SVOP: variants seen among roughly 807,000 people sequenced by gnomAD.
SVOP encodes the protein SV2 related protein.
A neutral mutation model predicts 69.1 loss-of-function variants in SVOP; 17 were observed. That is an observed-to-expected ratio of 0.25 (90% CI 0.17 to 0.37). The LOEUF (loss-of-function observed/expected upper bound fraction) is 0.37. SVOP is among the 10% of genes least tolerant of loss of function. SVOP has a pLI of 1.00. For missense variants in SVOP, 435 were observed against 597.5 expected (o/e 0.73, Z 2.84); for synonymous variants, 238 against 238.6 (o/e 1.00, Z 0.02).
rs182984647 is a variant in SVOP at position 109,013,015 on chromosome 12, G to T, written c.35+7819C>A. ...TCCAGGTAGACTGGGCTACACAGTT[G>T]CTAAAACTTAATAGTGGTTCCACTG... On this transcript the variant is annotated intron_variant, in intron 1 of 15. Coordinates refer to ENST00000610966, the MANE Select transcript of SVOP (RefSeq NM_018711.5). Among the ~76,000 whole-genome samples, 9 of 152,340 alleles carry T rather than the reference G, an allele frequency of 5.9e-5. No homozygotes were observed. In the East Asian group the frequency reaches 1.5e-3, roughly 26 times the overall value.
At chr12:108,929,992 G>A (rs1176294655) in intron 11 of SVOP, among the ~76,000 whole-genome samples, 1 of 53,332 alleles carries the variant, frequency 1.9e-5, no homozygotes, top group Non-Finnish European at 8.5e-5. Flanking sequence ...TCCCACCCAG[G>A]TATAAGAGAG....
intron 11 of SVOP, among the ~76,000 whole-genome samples, chr12:108,926,107 G>A (rs1466813523): frequency 6.6e-6 from 1 of 152,044 alleles, no homozygotes; most frequent in Non-Finnish European, 1.5e-5. Flanking sequence ...TCTTTGTAGA[G>A]ATAGGAATTT....
intron 12 of SVOP, among the ~76,000 whole-genome samples, chr12:108,922,194 A>G (rs946064441): frequency 6.6e-6 from 1 of 152,142 alleles, no homozygotes; most frequent in Admixed American, 6.5e-5. Context: ...TTCCCTCTGG[A>G]GCAAAGGGCA....
At chr12:108,937,091 C>G in intron 10 of SVOP, 173 bp downstream of exon 10, 2 of 658,020 alleles carry the variant, frequency 3.0e-6, no homozygotes, top group East Asian at 2.7e-5. Context: ...AATGATAGTA[C>G]GTACAGATGA....
At chr12:108,947,965 T>A (rs1298165033) in intron 6 of SVOP, among the ~76,000 whole-genome samples, 1 of 152,152 alleles carries the variant, frequency 6.6e-6, no homozygotes, top group Non-Finnish European at 1.5e-5. Flanking sequence ...CTTGCACTTC[T>A]GCTAATGGCT....
intron 1 of SVOP, among the ~76,000 whole-genome samples, chr12:108,984,893 C>T (rs2040158986): frequency 6.6e-6 from 1 of 152,130 alleles, no homozygotes; most frequent in Non-Finnish European, 1.5e-5. Context: ...ATGTGCAAGT[C>T]CTTTCTATCA....
Position 109,020,753 on chromosome 12 carries a change from T to TAC in SVOP, c.35+79_35+80dup, listed in dbSNP as rs1555254142. 298 of 317,942 alleles carry TAC rather than the reference T, an allele frequency of 9.4e-4. 13 individuals carry two copies. In the Admixed American group the frequency reaches 0.013, roughly 14 times the overall value. The allele number at this position is 317,942 out of a possible 1,614,324, so 19.7% of individuals were successfully genotyped here. A position where few individuals can be genotyped will look rare whatever the true frequency, so the allele number is the denominator to read the frequency against. On this transcript the variant is annotated intron_variant, in intron 1 of 15. Coordinates refer to ENST00000610966, the MANE Select transcript of SVOP (RefSeq NM_018711.5). ...AAATTCAAGAAACCATGCAGAGATG[T>TAC]ACCCCCCCCCACCCCCCTTGCAGGT...
At chr12:108,999,732 A>G (rs2040256959) in intron 1 of SVOP, among the ~76,000 whole-genome samples, 1 of 149,170 alleles carries the variant, frequency 6.7e-6, no homozygotes, top group African/African-American at 2.4e-5. Context: ...TAACGAAATG[A>G]AGGCAGAAAT....
chr12:108,952,980 GCAGAA>G (rs2039964885), intron 6 of SVOP, among the ~76,000 whole-genome samples: 2 of 152,048 alleles, frequency 1.3e-5, no homozygotes, highest in Non-Finnish European at 2.9e-5. Flanking sequence ...GTTAGTCTGA[GCAGAA>G]CATTTAGCAA....
At chr12:108,933,663 G>C (rs2039837403) in intron 11 of SVOP, among the ~76,000 whole-genome samples, 1 of 151,976 alleles carries the variant, frequency 6.6e-6, no homozygotes, top group Admixed American at 6.6e-5. Flanking sequence ...CTGGGCGACA[G>C]AGCAAGACTC....
intron 1 of SVOP, among the ~76,000 whole-genome samples, chr12:108,985,379 T>G (rs1209479867): frequency 1.3e-5 from 2 of 150,544 alleles, no homozygotes; most frequent in African/African-American, 4.9e-5. Context: ...AAAAGGAAAA[T>G]AAAAAAGTCT....
intron 5 of SVOP, among the ~76,000 whole-genome samples, chr12:108,961,730 A>T (rs1341945099): frequency 6.6e-6 from 1 of 152,218 alleles, no homozygotes; most frequent in Admixed American, 6.5e-5. Flanking sequence ...CGTATTTACA[A>T]TCAGGGGCAG....
At chr12:108,998,998 T>C (rs2040252772) in intron 1 of SVOP, among the ~76,000 whole-genome samples, 1 of 144,214 alleles carries the variant, frequency 6.9e-6, no homozygotes, top group Non-Finnish European at 1.5e-5. Flanking sequence ...AATTCTCCAA[T>C]TAAAAGACAC....
At chr12:108,917,943 C>A in intron 14 of SVOP, 100 bp downstream of exon 14, 1 of 998,066 alleles carries the variant, frequency 1.0e-6, no homozygotes, top group Non-Finnish European at 1.4e-6. Context: ...ACCGCGCCCA[C>A]CACCTCATTC....
intron 5 of SVOP, among the ~76,000 whole-genome samples, chr12:108,969,715 T>TTTCCTTCCTTCCTTCCTCC (rs1555251568): frequency 1.0e-3 from 37 of 35,930 alleles, no homozygotes; most frequent in African/African-American, 2.4e-3. Context: ...CCTCCTTTTT[T>TTTCCTTCCTTCCTTCCTCC]TTCCTTCCTT....
intron 6 of SVOP, among the ~76,000 whole-genome samples, chr12:108,958,818 G>C (rs2040000336): frequency 6.6e-6 from 1 of 151,990 alleles, no homozygotes; most frequent in Non-Finnish European, 1.5e-5. Flanking sequence ...TTGGTGTGAG[G>C]GTAAAAAGGC....
intron 11 of SVOP, among the ~76,000 whole-genome samples, chr12:108,929,202 T>C (rs2039800711): frequency 1.3e-5 from 2 of 152,380 alleles, no homozygotes; most frequent in East Asian, 1.9e-4. Context: ...TCTTTTGTTA[T>C]AGGGGCCTCA....
At chr12:109,009,300 A>C (rs1313565256) in intron 1 of SVOP, among the ~76,000 whole-genome samples, 1 of 151,762 alleles carries the variant, frequency 6.6e-6, no homozygotes, top group Admixed American at 6.6e-5. Flanking sequence ...TTCATTTAAC[A>C]ACCATACAGA....
At chr12:109,018,544 C>T (rs921878414) in intron 1 of SVOP, among the ~76,000 whole-genome samples, 21 of 152,148 alleles carry the variant, frequency 1.4e-4, no homozygotes, top group African/African-American at 4.3e-4. Context: ...AGCCATATTG[C>T]TCTCGGGAAA....
Sources: gnomAD v4.1 joint callset for allele counts (sites outside exome capture counted in the v4.1 genomes callset) on GRCh38, gnomAD v4.1.1 for gene constraint, MANE v1.5 for transcripts, NCBI Gene and HGNC (gene_info 2026-07-23, HGNC 2026-07-21) for gene names.